The following UNC80 variants were observed in gnomAD, a reference collection of about 807,000 sequenced individuals.
The protein encoded by UNC80 is protein unc-80 homolog.
A neutral mutation model predicts 384.6 loss-of-function variants in UNC80; 164 were observed. The observed-to-expected ratio is 0.43, with a 90% CI of 0.38 to 0.49. UNC80 has a LOEUF of 0.49. Ranked by LOEUF, UNC80 falls within the 20% of genes least tolerant of loss-of-function variation. The pLI is 0.00. For synonymous variants in UNC80, 1,486 were observed against 1,527.8 expected (o/e 0.97, Z 0.64); for missense variants, 3,330 against 4,143.0 (o/e 0.80, Z 5.39).
chr2:209,878,829 G>A (rs1459296401), intron 24 of UNC80, among the ~76,000 whole-genome samples: 1 of 152,118 alleles, frequency 6.6e-6, no homozygotes, highest in African/African-American at 2.4e-5. Flanking sequence ...TGAACATAGT[G>A]AGATCTCTTC....
At position 209,920,898 on chromosome 2, in the gene UNC80, G is replaced by A. The variant is rs984685084; in HGVS notation, c.5344-602G>A. 2.0e-5 allele frequency among the ~76,000 whole-genome samples: 3 copies of A among 151,996 alleles called. No homozygotes were observed. In the Middle Eastern group the frequency reaches 0.01, roughly 517 times the overall value. Reference sequence around the variant, plus strand: ...GCTGGAGCGCAGTGGTGTGATCCCGGCTCACTGCAACCTCTGCCTCCTGTG... The same window carrying A: ...GCTGGAGCGCAGTGGTGTGATCCCGACTCACTGCAACCTCTGCCTCCTGTG... On this transcript the variant is annotated intron_variant, in intron 33 of 64. Coordinates refer to ENST00000673920, the MANE Select transcript of UNC80 (RefSeq NM_001371986.1).
rs1205558028 is a variant in UNC80 at position 209,820,349 on chromosome 2, C to T, written c.2001C>T (p.Asp667=). 6.4e-7 allele frequency: 1 copy of T among 1,550,578 alleles called. No individual in the cohort carries two copies. Among genetic ancestry groups the T allele is most frequent in the Non-Finnish European group, 8.7e-7 (1 of 1,146,626 alleles). ...LKAVYLVLNH[D]ISSRICDVAL... ...CTGTTTATCTTGTCCTTAATCATGA[C>T]ATCAGCTCTCGTATCTGTGACGTGG... Residue 667 remains aspartate, a synonymous_variant, in exon 13 of 65, where the codon GAC becomes GAT. Coordinates refer to ENST00000673920, the MANE Select transcript of UNC80 (RefSeq NM_001371986.1).
chr2:209,780,973 G>A (rs1006663420), intron 4 of UNC80, among the ~76,000 whole-genome samples: 13 of 152,158 alleles, frequency 8.5e-5, no homozygotes, highest in Admixed American at 6.5e-4. Context: ...TAATGTTTCT[G>A]CAACGCTGTA....
chr2:209,953,886 G>C (rs1049311104), intron 47 of UNC80, among the ~76,000 whole-genome samples: 1 of 152,144 alleles, frequency 6.6e-6, no homozygotes, highest in Non-Finnish European at 1.5e-5. Flanking sequence ...GTTTCCTTAA[G>C]GCAAGATTCA....
intron 26 of UNC80, among the ~76,000 whole-genome samples, chr2:209,893,862 A>G (rs1213986131): frequency 1.3e-5 from 2 of 152,218 alleles, no homozygotes; most frequent in Non-Finnish European, 2.9e-5. Flanking sequence ...ATCCCATGAT[A>G]AAAGTGTACT....
At chr2:209,929,291 C>T (rs777476767) in intron 36 of UNC80, among the ~76,000 whole-genome samples, 4 of 152,112 alleles carry the variant, frequency 2.6e-5, no homozygotes, top group Admixed American at 6.6e-5. Flanking sequence ...TTAGCCTGAC[C>T]GCTTTCCCCA....
intron 26 of UNC80, among the ~76,000 whole-genome samples, chr2:209,890,763 T>G (rs536650913): frequency 6.6e-6 from 1 of 152,356 alleles, no homozygotes; most frequent in South Asian, 2.1e-4. Flanking sequence ...AGTGTAAACT[T>G]AATACCTGGT....
intron 15 of UNC80, among the ~76,000 whole-genome samples, chr2:209,830,925 C>T (rs1395941483): frequency 6.6e-6 from 1 of 152,126 alleles, no homozygotes; most frequent in Non-Finnish European, 1.5e-5. Context: ...CCTTTGAGAG[C>T]TTCCCTGCAG....
chr2:209,918,835 A>T (rs1223923397), intron 33 of UNC80, among the ~76,000 whole-genome samples, 172 bp downstream of exon 33: 2 of 152,182 alleles, frequency 1.3e-5, no homozygotes, highest in African/African-American at 4.8e-5. Context: ...AGTAGTGAGT[A>T]CTTGCAGATC....
intron 29 of UNC80, among the ~76,000 whole-genome samples, chr2:209,906,507 C>T (rs2088232936): frequency 6.6e-6 from 1 of 152,066 alleles, no homozygotes. Flanking sequence ...GGTTTTTCAA[C>T]TGTGGGGGCT....
chr2:209,871,848 A>C (rs553568038), intron 22 of UNC80, among the ~76,000 whole-genome samples: 32 of 150,834 alleles, frequency 2.1e-4, no homozygotes, highest in African/African-American at 7.5e-4. Flanking sequence ...TGACATGACA[A>C]GGTGGAGCCA....
At chr2:209,835,894 C>T (rs2081304266) in intron 18 of UNC80, among the ~76,000 whole-genome samples, 1 of 152,184 alleles carries the variant, frequency 6.6e-6, no homozygotes. Context: ...AAAATGCCCA[C>T]AGAGTTCTTG....
intron 23 of UNC80, among the ~76,000 whole-genome samples, chr2:209,874,546 T>C (rs1574842834): frequency 6.6e-6 from 1 of 152,360 alleles, no homozygotes; most frequent in South Asian, 2.1e-4. Context: ...TACCTCTGTC[T>C]TTTGTCCTTT....
At chr2:209,912,141 C>CTA (rs1242557508) in intron 29 of UNC80, among the ~76,000 whole-genome samples, 4 of 152,126 alleles carry the variant, frequency 2.6e-5, no homozygotes, top group Admixed American at 2.0e-4. Flanking sequence ...TATGAAGGGA[C>CTA]TATTGGATAG....
chr2:209,910,284 A>G (rs1574979876), intron 29 of UNC80, among the ~76,000 whole-genome samples: 1 of 151,938 alleles, frequency 6.6e-6, no homozygotes, highest in Non-Finnish European at 1.5e-5. Flanking sequence ...AAGGACCACT[A>G]GTAGATGCCT....
intron 61 of UNC80, among the ~76,000 whole-genome samples, chr2:209,990,552 A>T (rs975575065): frequency 6.6e-6 from 1 of 152,204 alleles, no homozygotes; most frequent in Non-Finnish European, 1.5e-5. Flanking sequence ...GCTTAGTATT[A>T]GGAGAAGCTT....
At chr2:209,886,155 T>C (rs2085786276) in intron 25 of UNC80, among the ~76,000 whole-genome samples, 1 of 151,910 alleles carries the variant, frequency 6.6e-6, no homozygotes, top group Non-Finnish European at 1.5e-5. Context: ...ACAAAATATT[T>C]TTATTTTTTA....
chr2:209,920,082 T>C (rs1012668247), intron 33 of UNC80, among the ~76,000 whole-genome samples: 6 of 152,086 alleles, frequency 3.9e-5, no homozygotes, highest in African/African-American at 1.4e-4. Flanking sequence ...GACAGGAGAA[T>C]CACTTGAACC....
chr2:209,773,251 A>G, intron 2 of UNC80, 109 bp downstream of exon 2: 1 of 938,250 alleles, frequency 1.1e-6, no homozygotes, highest in Non-Finnish European at 1.6e-6. Context: ...CACTTGGCAA[A>G]TATTATTGAT....
Sources: allele counts gnomAD v4.1 joint callset (sites outside exome capture counted in the v4.1 genomes callset), GRCh38; gene constraint gnomAD v4.1.1; transcripts MANE v1.5; gene names NCBI Gene and HGNC (gene_info 2026-07-23, HGNC 2026-07-21).